UBR1: variants seen among roughly 807,000 people sequenced by gnomAD.
UBR1 encodes ubiquitin protein ligase E3 component n-recognin 1, also known as E3 ubiquitin-protein ligase UBR1.
A neutral mutation model predicts 242.1 loss-of-function variants in UBR1; 102 were observed. That is an observed-to-expected ratio of 0.42 (90% CI 0.36 to 0.50). UBR1 has a LOEUF of 0.50. UBR1 is among the 20% of genes least tolerant of loss of function. UBR1 has a pLI of 0.01. For synonymous variants in UBR1, 675 were observed against 684.8 expected (o/e 0.99, Z 0.22); for missense variants, 1,772 against 2,101.8 (o/e 0.84, Z 3.07).
At chr15:43,042,910 C>G (rs1387452536) in intron 15 of UBR1, among the ~76,000 whole-genome samples, 1 of 152,002 alleles carries the variant, frequency 6.6e-6, no homozygotes, top group Non-Finnish European at 1.5e-5. Context: ...GGTTTAGAAA[C>G]CAGCAACCAG....
intron 38 of UBR1, 41 bp from the exon 39 acceptor site, chr15:42,976,908 A>G: frequency 6.3e-7 from 1 of 1,598,764 alleles, no homozygotes; most frequent in Non-Finnish European, 8.5e-7. Flanking sequence ...TAATGATAAA[A>G]GACTAACATA....
intron 13 of UBR1, among the ~76,000 whole-genome samples, chr15:43,047,745 C>CA (rs2033503544): frequency 6.6e-6 from 1 of 151,878 alleles, no homozygotes. Context: ...GTGAGGGAGC[C>CA]AAAAAAATAT....
At chr15:43,030,357 T>C (rs1411811314) in intron 20 of UBR1, among the ~76,000 whole-genome samples, 4 of 152,146 alleles carry the variant, frequency 2.6e-5, no homozygotes, top group Non-Finnish European at 5.9e-5. Flanking sequence ...CACATACACA[T>C]ACTCACACAT....
intron 32 of UBR1, among the ~76,000 whole-genome samples, chr15:42,998,937 C>CT (rs35098054): frequency 0.49 from 59,014 of 121,122 alleles, 17,736 homozygotes; most frequent in East Asian, 0.67. Context: ...GGAGCCTTTG[C>CT]TTTTTTTTTT....
At chr15:43,035,045 T>C (rs1257796993) in intron 19 of UBR1, among the ~76,000 whole-genome samples, 3 of 152,286 alleles carry the variant, frequency 2.0e-5, no homozygotes, top group East Asian at 3.9e-4. Context: ...TCTTCAGTAA[T>C]AGACTTTAAA....
chr15:43,050,045 A>T (rs991372202), intron 12 of UBR1, among the ~76,000 whole-genome samples: 2 of 152,110 alleles, frequency 1.3e-5, no homozygotes, highest in African/African-American at 4.8e-5. Flanking sequence ...TCAAACTCTC[A>T]GGCTCGAGTA....
intron 3 of UBR1, among the ~76,000 whole-genome samples, chr15:43,078,514 G>A (rs943011163): frequency 6.6e-6 from 1 of 152,100 alleles, no homozygotes; most frequent in African/African-American, 2.4e-5. Flanking sequence ...ACATAAACAT[G>A]TAAAAATTAA....
intron 15 of UBR1, among the ~76,000 whole-genome samples, chr15:43,042,499 T>G (rs987626927): frequency 6.6e-6 from 1 of 152,136 alleles, no homozygotes; most frequent in Non-Finnish European, 1.5e-5. Flanking sequence ...CACAGAGTGG[T>G]AGTTGCTAGC....
At chr15:42,983,668 T>TAATAATAAA (rs2032414399) in intron 37 of UBR1, among the ~76,000 whole-genome samples, 1 of 140,616 alleles carries the variant, frequency 7.1e-6, no homozygotes, top group Non-Finnish European at 1.5e-5. Flanking sequence ...TCCCACTCAA[T>TAATAATAAA]AATAATAATA....
intron 1 of UBR1, among the ~76,000 whole-genome samples, chr15:43,089,878 G>C (rs752976007): frequency 3.9e-4 from 60 of 152,200 alleles, no homozygotes; most frequent in Non-Finnish European, 6.2e-4. Context: ...AACAAGGAAA[G>C]ATCAAGACAT....
chr15:43,053,950 A>G (rs1216121457), intron 12 of UBR1, among the ~76,000 whole-genome samples: 2 of 151,494 alleles, frequency 1.3e-5, no homozygotes, highest in East Asian at 1.9e-4. Flanking sequence ...CCTCAGCCTC[A>G]TGGCAATTTT....
intron 44 of UBR1, among the ~76,000 whole-genome samples, chr15:42,952,811 G>C (rs1184648211): frequency 6.6e-6 from 1 of 152,150 alleles, no homozygotes; most frequent in Non-Finnish European, 1.5e-5. Flanking sequence ...TATTGTGTTA[G>C]TCAAGCTTGT....
intron 22 of UBR1, 106 bp from the exon 23 acceptor site, chr15:43,026,769 AATT>A (rs969521311): frequency 3.7e-5 from 35 of 936,850 alleles, no homozygotes; most frequent in Non-Finnish European, 5.8e-5. Flanking sequence ...TACAGAAAAA[AATT>A]ATGTCTCATT....
chr15:42,986,136 A>AT (rs1205141312), intron 35 of UBR1, among the ~76,000 whole-genome samples: 1 of 151,770 alleles, frequency 6.6e-6, no homozygotes, highest in Admixed American at 6.6e-5. Flanking sequence ...GTGTGGAAGC[A>AT]TTTTTTTTCA....
intron 1 of UBR1, among the ~76,000 whole-genome samples, chr15:43,097,231 T>C (rs1255131594): frequency 6.6e-6 from 1 of 151,870 alleles, no homozygotes; most frequent in East Asian, 1.9e-4. Context: ...TTGAAAAGAA[T>C]CTTTTTTTTT....
At chr15:43,061,800 A>G (rs2033690672) in intron 6 of UBR1, among the ~76,000 whole-genome samples, 1 of 134,760 alleles carries the variant, frequency 7.4e-6, no homozygotes, top group Non-Finnish European at 1.6e-5. Flanking sequence ...GACTTTGGGT[A>G]CTTTGAGGGA....
intron 20 of UBR1, among the ~76,000 whole-genome samples, chr15:43,030,342 A>T (rs1445529426): frequency 6.6e-6 from 1 of 152,214 alleles, no homozygotes; most frequent in Non-Finnish European, 1.5e-5. Flanking sequence ...ATATTCGTAT[A>T]CATACACATA....
intron 33 of UBR1, among the ~76,000 whole-genome samples, chr15:42,993,531 G>A (rs2032588308): frequency 6.6e-6 from 1 of 151,848 alleles, no homozygotes; most frequent in East Asian, 1.9e-4. Flanking sequence ...CCAAGCCTGG[G>A]TAATTTTTGT....
At chr15:43,075,880 G>T (rs1309652379) in intron 3 of UBR1, among the ~76,000 whole-genome samples, 3 of 151,936 alleles carry the variant, frequency 2.0e-5, no homozygotes, top group Admixed American at 1.3e-4. Flanking sequence ...CTGCCAAAGT[G>T]CTGGGATTAT....
Sources: allele counts gnomAD v4.1 joint callset (sites outside exome capture counted in the v4.1 genomes callset), GRCh38; gene constraint gnomAD v4.1.1; transcripts MANE v1.5; gene names NCBI Gene and HGNC (gene_info 2026-07-23, HGNC 2026-07-21).